MB21D2: variants seen among roughly 807,000 people sequenced by gnomAD.
The protein encoded by MB21D2 is nucleotidyltransferase MB21D2.
Under a neutral mutation model 33.3 loss-of-function variants are expected in MB21D2, and 9 were observed. The observed-to-expected ratio is 0.27, with a 90% confidence interval of 0.16 to 0.47. The LOEUF (loss-of-function observed/expected upper bound fraction) is 0.47. Among genes scored for constraint, MB21D2 ranks in the 20% least tolerant of loss-of-function variants. The probability of loss-of-function intolerance (pLI) is 0.99; values close to 1 mark genes in which losing one functional copy is unlikely to be tolerated. For synonymous variants in MB21D2, 241 were observed against 236.3 expected, an observed-to-expected ratio of 1.02 and a Z score of -0.18; for missense variants, 540 against 624.6, an observed-to-expected ratio of 0.86 and a Z score of 1.44.
At chr3:192,830,233 T>C (rs1001600880) in intron 1 of MB21D2, among the ~76,000 whole-genome samples, 2 of 100,346 alleles carry the variant, frequency 2.0e-5, no homozygotes, top group African/African-American at 1.1e-4. Context: ...CAAAGATGAG[T>C]GTGTGTGAGT....
Position 192,798,687 on chromosome 3 carries a change from G to C in MB21D2, c.1175C>G (p.Thr392Arg). 6.2e-7 allele frequency: 1 copy of C among 1,613,356 alleles called. No individual in the cohort carries two copies. Among genetic ancestry groups the C allele is most frequent in the Non-Finnish European group, 8.5e-7 (1 of 1,180,032 alleles). The change falls in exon 2 of 2, where the codon ACA becomes AGA. Residue 392 changes from threonine to arginine, a missense_variant. Coordinates refer to ENST00000392452, the MANE Select transcript of MB21D2 (RefSeq NM_178496.4). This position sits in a 1 kb window ranked among gnomAD's most constrained non-coding sequence, Gnocchi z 4.8. ...CAGCTTCCGGGCGTGAAGCATGACT[G>C]TCTCCTCAGACAGATGTTCCAGCAT... ...CNMLEHLSEE[T>R]VMLHARKLSS...
intron 1 of MB21D2, among the ~76,000 whole-genome samples, chr3:192,872,285 T>C (rs1713321777): frequency 6.6e-6 from 1 of 152,126 alleles, no homozygotes; most frequent in Admixed American, 6.5e-5. Flanking sequence ...GGATCAAAAG[T>C]TGCAAAGCTG....
intron 1 of MB21D2, among the ~76,000 whole-genome samples, chr3:192,842,539 A>G (rs940493794): frequency 6.6e-6 from 1 of 152,266 alleles, no homozygotes; most frequent in Admixed American, 6.5e-5. Context: ...CTCGGCCACA[A>G]GAACTGACTC....
intron 1 of MB21D2, among the ~76,000 whole-genome samples, chr3:192,905,635 CAAAAAAAA>C (rs142676577): frequency 4.9e-4 from 42 of 84,978 alleles, no homozygotes; most frequent in Non-Finnish European, 6.5e-4. Context: ...CGCCCTGTCT[CAAAAAAAA>C]AAAAAAAAAA....
chr3:192,832,743 G>T (rs1712346349), intron 1 of MB21D2, among the ~76,000 whole-genome samples: 1 of 152,182 alleles, frequency 6.6e-6, no homozygotes, highest in African/African-American at 2.4e-5. Context: ...TGAGCCGAGA[G>T]ATCGAGCCAC....
chr3:192,879,417 G>A (rs552818143), intron 1 of MB21D2, among the ~76,000 whole-genome samples: 4 of 152,344 alleles, frequency 2.6e-5, no homozygotes, highest in African/African-American at 7.2e-5. Context: ...CATTAACCAC[G>A]GGCACAAAGC....
At chr3:192,881,229 A>G (rs1185063490) in intron 1 of MB21D2, among the ~76,000 whole-genome samples, 1 of 152,094 alleles carries the variant, frequency 6.6e-6, no homozygotes, top group Non-Finnish European at 1.5e-5. Flanking sequence ...GAGGACTTCT[A>G]TATCCCACCC....
intron 1 of MB21D2, among the ~76,000 whole-genome samples, chr3:192,830,262 GTGTGTGT>G (rs1712286000): frequency 5.5e-5 from 8 of 146,622 alleles, no homozygotes; most frequent in Non-Finnish European, 9.2e-5. Context: ...GTGTGTGTGT[GTGTGTGT>G]GGGTGTCAAA....
chr3:192,874,666 C>G (rs967215610), intron 1 of MB21D2, among the ~76,000 whole-genome samples: 16 of 152,200 alleles, frequency 1.1e-4, no homozygotes, highest in African/African-American at 3.9e-4. Flanking sequence ...GCTCCTTGCC[C>G]TGGAAAGCTG....
chr3:192,904,522 T>C (rs1714166632), intron 1 of MB21D2, among the ~76,000 whole-genome samples: 1 of 152,346 alleles, frequency 6.6e-6, no homozygotes, highest in Middle Eastern at 3.4e-3. Context: ...CCCCGGGCCC[T>C]TGGCTGCGGT....
chr3:192,820,703 A>C (rs1326851640), intron 1 of MB21D2, among the ~76,000 whole-genome samples: 1 of 152,250 alleles, frequency 6.6e-6, no homozygotes, highest in East Asian at 1.9e-4. Context: ...TGCCTCGTTC[A>C]GCCAGCATCT....
At chr3:192,831,464 C>G (rs1464370520) in intron 1 of MB21D2, among the ~76,000 whole-genome samples, 2 of 152,208 alleles carry the variant, frequency 1.3e-5, no homozygotes, top group East Asian at 3.8e-4. Context: ...GTTTACTCAG[C>G]AGCAGCAAAC....
At chr3:192,804,426 TACACACACACACACACAC>T (rs10552964) in intron 1 of MB21D2, among the ~76,000 whole-genome samples, 2 of 147,060 alleles carry the variant, frequency 1.4e-5, no homozygotes, top group South Asian at 2.2e-4. Flanking sequence ...TTAAAACAGA[TACACACACACACACACAC>T]ACACACACAC....
chr3:192,914,292 T>C (rs1292738794), intron 1 of MB21D2, among the ~76,000 whole-genome samples: 2 of 152,188 alleles, frequency 1.3e-5, no homozygotes, highest in Admixed American at 1.3e-4. Flanking sequence ...TTCCTGGCCC[T>C]GAGAAGATGA....
intron 1 of MB21D2, among the ~76,000 whole-genome samples, chr3:192,873,518 T>A (rs1440159642): frequency 6.6e-6 from 1 of 152,052 alleles, no homozygotes; most frequent in Non-Finnish European, 1.5e-5. Flanking sequence ...AAGGAACAAG[T>A]GAGTTCACCG....
chr3:192,835,351 G>A (rs543713589), intron 1 of MB21D2, among the ~76,000 whole-genome samples: 1 of 149,870 alleles, frequency 6.7e-6, no homozygotes, highest in African/African-American at 2.4e-5. Context: ...AGCTACTCGG[G>A]AGGTTGAGGC....
intron 1 of MB21D2, among the ~76,000 whole-genome samples, chr3:192,852,213 C>G (rs934158967): frequency 3.3e-5 from 5 of 152,206 alleles, no homozygotes; most frequent in African/African-American, 1.2e-4. Flanking sequence ...CTCAGAGACA[C>G]CACTCAGCAT....
In MB21D2 at chr3:192,799,335, T is replaced by C. The variant is rs1711508000; in HGVS notation, c.527A>G (p.Asn176Ser). 7 of 1,614,240 alleles carry C rather than the reference T, an allele frequency of 4.3e-6. No homozygotes were observed. The highest frequency in any genetic ancestry group is 1.3e-5 in the African/African-American group (1 of 75,058). Residue 176 changes from asparagine to serine, a missense_variant, in exon 2 of 2, where the codon AAC becomes AGC. Physicochemically the swap from Asn to Ser is conservative, Grantham distance 46. Coordinates refer to ENST00000392452, the MANE Select transcript of MB21D2 (RefSeq NM_178496.4). The surrounding 1 kb of genome is among the most constrained non-coding windows in gnomAD (Gnocchi z 4.1). The stretch of plus-strand genomic sequence containing the variant: ...CACTTTGGTAGGTGAGAAGAAGTAG[T>C]TGGTGGCACCATTGATGTGATCTAC... The part of the protein sequence containing the change: ...TIVDHINGAT[N>S]YFFSPTKVAD...
intron 1 of MB21D2, among the ~76,000 whole-genome samples, chr3:192,826,693 A>G (rs1211030049): frequency 6.6e-6 from 1 of 152,186 alleles, no homozygotes; most frequent in Non-Finnish European, 1.5e-5. Context: ...ATTACAGAGA[A>G]TGCCCTCAGA....
Sources: allele counts gnomAD v4.1 joint callset (sites outside exome capture counted in the v4.1 genomes callset), GRCh38; gene constraint gnomAD v4.1.1; non-coding constraint Gnocchi (gnomAD v3.1); transcripts MANE v1.5; gene names NCBI Gene and HGNC (gene_info 2026-07-23, HGNC 2026-07-21).